SYT1: variants seen among roughly 807,000 people sequenced by gnomAD.
SYT1 encodes the protein synaptotagmin 1.
In SYT1, 8 loss-of-function variants were observed where a neutral mutation model predicts 44.8. That is an observed-to-expected ratio of 0.18 (90% CI 0.10 to 0.32). SYT1 has a LOEUF of 0.32. Among genes scored for constraint, SYT1 ranks in the 10% least tolerant of loss-of-function variants. SYT1 has a pLI of 1.00. For missense variants in SYT1, 286 were observed against 509.3 expected (o/e 0.56, Z 4.22); for synonymous variants, 154 against 188.8 (o/e 0.82, Z 1.51).
chr12:79,031,318 T>A (rs948794676), intron 2 of SYT1, among the ~76,000 whole-genome samples: 1 of 151,098 alleles, frequency 6.6e-6, no homozygotes, highest in Non-Finnish European at 1.5e-5. Context: ...ACTTCTGATA[T>A]TCCCTTTTAA....
chr12:79,066,318 A>T (rs1875847946), intron 3 of SYT1, among the ~76,000 whole-genome samples: 1 of 152,160 alleles, frequency 6.6e-6, no homozygotes. Flanking sequence ...GTGGGGGCTC[A>T]CAGCTGCCTA....
intron 9 of SYT1, among the ~76,000 whole-genome samples, chr12:79,396,464 G>A (rs1045501163): frequency 3.9e-5 from 6 of 152,154 alleles, no homozygotes; most frequent in Admixed American, 3.3e-4. Context: ...TCTATCCCAA[G>A]AGAAGCAGTT....
Position 79,155,496 on chromosome 12 carries a change from TA to T in SYT1, c.-17-62003del, listed in dbSNP as rs550106227. 8.1e-4 allele frequency among the ~76,000 whole-genome samples: 124 copies of T among 152,324 alleles called. 1 individual carries two copies. The highest frequency in any genetic ancestry group is 2.9e-3 in the African/African-American group (120 of 41,588). ...TTTCTCTGTTGACATTATATTCTTT[TA>T]AAATAGGGTAAAACTTTCTTCTCAT... is the stretch of plus-strand genomic sequence containing the variant. On this transcript the variant is annotated intron_variant, in intron 3 of 10. Coordinates refer to ENST00000261205, the MANE Select transcript of SYT1 (RefSeq NM_005639.3).
intron 2 of SYT1, among the ~76,000 whole-genome samples, chr12:79,000,726 C>T (rs1270235850): frequency 1.3e-5 from 2 of 152,150 alleles, no homozygotes; most frequent in Non-Finnish European, 2.9e-5. Context: ...GTCATTCATA[C>T]ACATTATTCT....
intron 4 of SYT1, among the ~76,000 whole-genome samples, chr12:79,232,679 T>G (rs1400440334): frequency 6.6e-6 from 1 of 152,222 alleles, no homozygotes; most frequent in Non-Finnish European, 1.5e-5. Context: ...TAAATTTTAC[T>G]TTTATTATTT....
chr12:78,987,502 C>T (rs1231785736), intron 2 of SYT1, among the ~76,000 whole-genome samples: 1 of 151,944 alleles, frequency 6.6e-6, no homozygotes, highest in African/African-American at 2.4e-5. Flanking sequence ...TTACTCAGCT[C>T]TTGTTATATT....
intron 1 of SYT1, among the ~76,000 whole-genome samples, chr12:78,912,251 A>G (rs1876378920): frequency 6.6e-6 from 1 of 151,876 alleles, no homozygotes; most frequent in Non-Finnish European, 1.5e-5. Flanking sequence ...AGAAATGAAT[A>G]CCTAATGTTT....
intron 8 of SYT1, among the ~76,000 whole-genome samples, chr12:79,317,584 C>T (rs940388985): frequency 1.3e-5 from 2 of 152,066 alleles, no homozygotes; most frequent in Non-Finnish European, 2.9e-5. Flanking sequence ...AAACCCAGCT[C>T]AAGTCAAGCT....
chr12:78,967,640 G>T (rs1276666573), intron 1 of SYT1, among the ~76,000 whole-genome samples: 1 of 152,060 alleles, frequency 6.6e-6, no homozygotes, highest in East Asian at 1.9e-4. Context: ...GAGGTTTGTG[G>T]GTTTAATATA....
At chr12:79,359,121 A>G (rs1432246609) in intron 9 of SYT1, among the ~76,000 whole-genome samples, 1 of 152,194 alleles carries the variant, frequency 6.6e-6, no homozygotes, top group African/African-American at 2.4e-5. Flanking sequence ...TGGCAAATCA[A>G]CAAGGGTAAA....
At chr12:78,921,222 G>C (rs1307996434) in intron 1 of SYT1, among the ~76,000 whole-genome samples, 1 of 151,840 alleles carries the variant, frequency 6.6e-6, no homozygotes, top group Non-Finnish European at 1.5e-5. Context: ...GAATACTTTA[G>C]AGTAGAAATT....
In SYT1 at chr12:78,889,199, C is replaced by A. The variant is rs1243592232; in HGVS notation, c.-217+24090C>A. Among the ~76,000 whole-genome samples the A allele has an allele frequency of 2.0e-5, 3 of 151,808 alleles. No individual in the cohort carries two copies. In the East Asian group the frequency reaches 5.9e-4, roughly 30 times the overall value. Reference sequence around the variant, plus strand: ...AGTTCAGGATTTCTTATCCTGGCATCCATGTTTCTTCAAGGGTTTCAGAGA... The same window carrying A: ...AGTTCAGGATTTCTTATCCTGGCATACATGTTTCTTCAAGGGTTTCAGAGA... On this transcript the variant is annotated intron_variant, in intron 1 of 10. Transcript: ENST00000261205.
chr12:79,119,317 A>T (rs1279651429), intron 3 of SYT1, among the ~76,000 whole-genome samples: 1 of 152,120 alleles, frequency 6.6e-6, no homozygotes, highest in Non-Finnish European at 1.5e-5. Flanking sequence ...AAAACCTTTA[A>T]TGGTTCTCCA....
chr12:79,052,491 C>A (rs923643967), intron 3 of SYT1, among the ~76,000 whole-genome samples: 14 of 152,022 alleles, frequency 9.2e-5, no homozygotes, highest in Non-Finnish European at 1.8e-4. Context: ...GCAACAAAAG[C>A]CAAAATTGAT....
chr12:79,221,525 C>T (rs1240723169), intron 4 of SYT1, among the ~76,000 whole-genome samples: 5 of 151,992 alleles, frequency 3.3e-5, no homozygotes, highest in Non-Finnish European at 5.9e-5. Context: ...TGATTTTTCT[C>T]TAGTGGTATG....
chr12:79,199,471 G>T (rs1565851245), intron 3 of SYT1, among the ~76,000 whole-genome samples: 2 of 152,170 alleles, frequency 1.3e-5, no homozygotes, highest in South Asian at 2.1e-4. Flanking sequence ...GCCCCATATT[G>T]TGTAGGCTTT....
At position 79,449,957 on chromosome 12, in the gene SYT1, T is replaced by TGC. The variant is rs1555226518; in HGVS notation, c.*834_*835dup. Reference sequence around the variant, plus strand: ...GTGTGTGTGTGTGTGTGTGTGTGTGTGCACATTTGTTTGGGGATGGGGGAG... The same window carrying TGC: ...GTGTGTGTGTGTGTGTGTGTGTGTGTGCGCACATTTGTTTGGGGATGGGGGAG... On this transcript the variant is annotated 3_prime_UTR_variant, in exon 11 of 11. Transcript: ENST00000261205. The TGC allele has an allele frequency of 6.9e-6, 1 of 144,680 alleles. No individual in the cohort carries two copies. Among genetic ancestry groups the TGC allele is most frequent in the South Asian group, 2.2e-4 (1 of 4,524 alleles). The allele number at this position is 144,680 out of a possible 1,614,324, so 9.0% of individuals were successfully genotyped here.
chr12:79,402,906 A>C (rs1244540553), intron 9 of SYT1, among the ~76,000 whole-genome samples: 1 of 152,304 alleles, frequency 6.6e-6, no homozygotes, highest in Non-Finnish European at 1.5e-5. Context: ...GGAGAGATAC[A>C]GTTAGTTTTT....
At chr12:79,139,148 C>T (rs1869394194) in intron 3 of SYT1, among the ~76,000 whole-genome samples, 1 of 152,154 alleles carries the variant, frequency 6.6e-6, no homozygotes. Flanking sequence ...AGTCGCAGGC[C>T]TCCTACATAA....
Sources: allele counts gnomAD v4.1 joint callset (sites outside exome capture counted in the v4.1 genomes callset), GRCh38; gene constraint gnomAD v4.1.1; transcripts MANE v1.5; gene names NCBI Gene and HGNC (gene_info 2026-07-23, HGNC 2026-07-21).